EFCAB6: variants seen among roughly 807,000 people sequenced by gnomAD.
EFCAB6 encodes EF-hand calcium-binding domain-containing protein 6.
Under a neutral mutation model 169.8 loss-of-function variants are expected in EFCAB6, and 156 were observed. The observed-to-expected ratio is 0.92, with a 90% CI of 0.81 to 1.05. The LOEUF (loss-of-function observed/expected upper bound fraction) is 1.05. EFCAB6 is among the 50% of genes least tolerant of loss of function. The pLI, the probability that EFCAB6 is intolerant of heterozygous loss-of-function variation, is 0.00. For missense variants in EFCAB6, 1,800 were observed against 1,829.1 expected, an observed-to-expected ratio of 0.98 and a Z score of 0.29; for synonymous variants, 698 against 676.4, an observed-to-expected ratio of 1.03 and a Z score of -0.50.
chr22:43,734,720 G>A (rs545381565), intron 7 of EFCAB6, among the ~76,000 whole-genome samples: 1 of 151,964 alleles, frequency 6.6e-6, no homozygotes, highest in Non-Finnish European at 1.5e-5. Context: ...TATATTCTGA[G>A]GTGGGTTATA....
chr22:43,757,263 A>T (rs2060990175), intron 5 of EFCAB6, among the ~76,000 whole-genome samples: 1 of 152,258 alleles, frequency 6.6e-6, no homozygotes, highest in Admixed American at 6.5e-5. Context: ...GAATTAAAGA[A>T]TAAGCCAAGC....
rs140051719 is a variant in EFCAB6, at chr22:43,672,072, C to A, written c.1541G>T (p.Arg514Leu). 6.2e-7 allele frequency: 1 copy of A among 1,614,020 alleles called. No homozygotes were observed. Among genetic ancestry groups the A allele is most frequent in the Non-Finnish European group, 8.5e-7 (1 of 1,180,004 alleles). ...RNLQAFYNML[R>L]SYDLGDTGRI... ...CCCTGTGTCTCCAAGGTCATATGAG[C>A]GTAGCATGTTATAAAAAGCTTGTAG... is the stretch of plus-strand genomic sequence containing the variant. The change falls in exon 15 of 32, where the codon CGC becomes CTC. Residue 514 changes from arginine (R) to leucine (L), a missense_variant. Physicochemically the swap from Arg to Leu is moderately radical, Grantham distance 102. Coordinates refer to ENST00000262726, the MANE Select transcript of EFCAB6 (RefSeq NM_022785.4).
At position 43,586,340 on chromosome 22, in the gene EFCAB6, A is replaced by ATTTTTTTTTTTTTTTTTTTTTT. The variant is rs36058832; in HGVS notation, c.3032+3712_3032+3733dup. On this transcript the variant is annotated intron_variant, in intron 24 of 31. Coordinates refer to ENST00000262726, the MANE Select transcript of EFCAB6 (RefSeq NM_022785.4). Reference sequence around the variant, plus strand: ...ACTGTAAACTCTTGAGCAACAACTGATTTTTTTTTTTTTTTTTTTTTTTTT... The same window carrying ATTTTTTTTTTTTTTTTTTTTTT: ...ACTGTAAACTCTTGAGCAACAACTGATTTTTTTTTTTTTTTTTTTTTTTTTTTTTTTTTTTTTTTTTTTTTTT... Among the ~76,000 whole-genome samples the ATTTTTTTTTTTTTTTTTTTTTT allele has an allele frequency of 4.7e-4, 34 of 72,920 alleles. 3 individuals are homozygous for ATTTTTTTTTTTTTTTTTTTTTT. Among genetic ancestry groups the ATTTTTTTTTTTTTTTTTTTTTT allele is most frequent in the African/African-American group, 7.8e-4 (12 of 15,432 alleles). 47.8% of individuals were successfully genotyped at this position (72,920 alleles called of 152,430 possible).
chr22:43,727,651 T>C (rs2046866514), intron 8 of EFCAB6, among the ~76,000 whole-genome samples: 1 of 152,158 alleles, frequency 6.6e-6, no homozygotes, highest in Non-Finnish European at 1.5e-5. Context: ...AAAAACACTG[T>C]AGTAAGGTCC....
chr22:43,723,596 T>C (rs1438982721), intron 8 of EFCAB6, among the ~76,000 whole-genome samples: 1 of 152,146 alleles, frequency 6.6e-6, no homozygotes, highest in Non-Finnish European at 1.5e-5. Context: ...GACAAAAAGA[T>C]CAAATTATGA....
intron 6 of EFCAB6, among the ~76,000 whole-genome samples, chr22:43,739,121 T>G (rs1022457312): frequency 6.6e-6 from 1 of 152,338 alleles, no homozygotes; most frequent in Non-Finnish European, 1.5e-5. Flanking sequence ...TTATCTCCAA[T>G]GTGTCCCCCT....
At chr22:43,605,000 A>G (rs529549692) in intron 22 of EFCAB6, among the ~76,000 whole-genome samples, 17 of 152,212 alleles carry the variant, frequency 1.1e-4, no homozygotes, top group African/African-American at 3.9e-4. Context: ...TTTGTTTTAG[A>G]TTCAAAGAGT....
chr22:43,666,701 T>TTG (rs1556019215), intron 17 of EFCAB6, among the ~76,000 whole-genome samples: 105 of 142,594 alleles, frequency 7.4e-4, no homozygotes, highest in African/African-American at 2.6e-3. Context: ...GTTTTTTTTT[T>TTG]TTTTTTTTTT....
At position 43,658,187 on chromosome 22, in the gene EFCAB6, G is replaced by A. The variant is rs138924988; in HGVS notation, c.1983+8917C>T. Among the ~76,000 whole-genome samples the A allele has an allele frequency of 2.1e-3, 312 of 152,150 alleles. 1 individual carries two copies. The highest frequency in any genetic ancestry group is 7.2e-3 in the African/African-American group (297 of 41,500). On this transcript the variant is annotated intron_variant, in intron 17 of 31. Coordinates refer to ENST00000262726, the MANE Select transcript of EFCAB6 (RefSeq NM_022785.4). ...GCGGAGTTTGCAGTGAGTAGAGATC[G>A]TGCCACTTCACTCCAGCCTGGGCGA...
intron 17 of EFCAB6, among the ~76,000 whole-genome samples, chr22:43,658,314 G>A (rs964083750): frequency 8.5e-5 from 13 of 152,162 alleles, no homozygotes; most frequent in African/African-American, 1.4e-4. Flanking sequence ...ACTGCAAGGC[G>A]GGGGAACCTT....
chr22:43,530,871 A>G lies in EFCAB6; in HGVS notation c.4327T>C (p.Phe1443Leu), dbSNP rs1180270062. 25 of 1,614,186 alleles carry G rather than the reference A, an allele frequency of 1.5e-5. No homozygotes were observed. Among genetic ancestry groups the G allele is most frequent in the Non-Finnish European group, 2.0e-5 (24 of 1,180,048 alleles). The stretch of plus-strand genomic sequence containing the variant: ...GTTCCAGCCTCATCATAGCTTTTGA[A>G]CGTGCGCCGCATTGGCCTCCAGCAG... ...VHCWRPMRRT[F>L]KSYDEAGTGL... The change falls in exon 31 of 32, where the codon TTC becomes CTC. Residue 1443 changes from phenylalanine to leucine, a missense_variant. Physicochemically the swap from Phe to Leu is conservative, Grantham distance 22. Coordinates refer to ENST00000262726, the MANE Select transcript of EFCAB6 (RefSeq NM_022785.4).
At chr22:43,638,102 C>T (rs1024374201) in intron 17 of EFCAB6, among the ~76,000 whole-genome samples, 6 of 152,138 alleles carry the variant, frequency 3.9e-5, no homozygotes, top group African/African-American at 9.7e-5. Flanking sequence ...AGAACACAAA[C>T]GCTGCAAGTG....
At chr22:43,612,737 C>G (rs1569246425) in intron 21 of EFCAB6, among the ~76,000 whole-genome samples, 1 of 151,608 alleles carries the variant, frequency 6.6e-6, no homozygotes, top group Non-Finnish European at 1.5e-5. Context: ...ACTAAAAATA[C>G]AAAAAAATTA....
At chr22:43,674,018 T>C (rs2057612486) in intron 13 of EFCAB6, among the ~76,000 whole-genome samples, 1 of 151,560 alleles carries the variant, frequency 6.6e-6, no homozygotes, top group Non-Finnish European at 1.5e-5. Flanking sequence ...ATAAAATAGC[T>C]ACAATCTACA....
Position 43,528,982 on chromosome 22 carries a change from G to T in EFCAB6, c.4384-7C>A. 1 of 1,569,828 alleles carries T rather than the reference G, an allele frequency of 6.4e-7. No homozygotes were observed. ...TGCTGTACTGTCTCAGGACCTGGAA[G>T]ACAGAGAAAAGGGGCCTCTGAGGCT... On this transcript the variant is annotated splice_polypyrimidine_tract_variant and splice_region_variant and intron_variant, in intron 31 of 31. Transcript: ENST00000262726.
At chr22:43,756,325 G>A (rs1168171203) in intron 5 of EFCAB6, among the ~76,000 whole-genome samples, 1 of 152,208 alleles carries the variant, frequency 6.6e-6, no homozygotes. Context: ...TGCAGCTGCA[G>A]CACTTTGACC....
chr22:43,643,170 C>T (rs1157668072), intron 17 of EFCAB6, among the ~76,000 whole-genome samples: 1 of 152,208 alleles, frequency 6.6e-6, no homozygotes, highest in African/African-American at 2.4e-5. Flanking sequence ...TGAATGACTT[C>T]CATCCCTCAT....
At chr22:43,787,510 C>T (rs1343472369) in intron 2 of EFCAB6, among the ~76,000 whole-genome samples, 3 of 151,992 alleles carry the variant, frequency 2.0e-5, no homozygotes, top group Non-Finnish European at 4.4e-5. Flanking sequence ...ATTCTATTTA[C>T]AATATCATCA....
At chr22:43,619,762 G>T (rs534909519) in intron 20 of EFCAB6, among the ~76,000 whole-genome samples, 1 of 152,106 alleles carries the variant, frequency 6.6e-6, no homozygotes, top group South Asian at 2.1e-4. Flanking sequence ...AAACCAAAAG[G>T]TCTAAGCTTC....
Sources: allele counts gnomAD v4.1 joint callset (sites outside exome capture counted in the v4.1 genomes callset), GRCh38; gene constraint gnomAD v4.1.1; transcripts MANE v1.5; gene names NCBI Gene and HGNC (gene_info 2026-07-23, HGNC 2026-07-21).